DNAI4: variants seen among roughly 807,000 people sequenced by gnomAD.
The protein encoded by DNAI4 is dynein axonemal intermediate chain 4, also known as WD repeat domain 78.
DNAI4 carries 85 observed loss-of-function variants against 105.8 expected under a neutral mutation model. The ratio of observed to expected loss-of-function variants is 0.80; its 90% CI spans 0.67 to 0.96. The LOEUF is 0.96. Ranked by LOEUF, DNAI4 falls within the 40% of genes least tolerant of loss-of-function variation. The pLI, the probability that DNAI4 is intolerant of heterozygous loss-of-function variation, is 0.00. For missense variants in DNAI4, 1,014 were observed against 1,005.6 expected, an observed-to-expected ratio of 1.01 and a Z score of -0.11; for synonymous variants, 352 against 331.5, an observed-to-expected ratio of 1.06 and a Z score of -0.67.
intron 7 of DNAI4, among the ~76,000 whole-genome samples, chr1:66,855,709 T>C (rs1380105215): frequency 2.0e-5 from 3 of 152,220 alleles, no homozygotes; most frequent in African/African-American, 4.8e-5. Context: ...CTACAAAATA[T>C]GTAAAGCCCA....
At chr1:66,892,631 C>G (rs931292581) in intron 3 of DNAI4, among the ~76,000 whole-genome samples, 1 of 151,974 alleles carries the variant, frequency 6.6e-6, no homozygotes, top group African/African-American at 2.4e-5. Context: ...ATAATCAAAA[C>G]TGGGTGGCTC....
At chr1:66,841,356 T>C (rs1646144286) in intron 8 of DNAI4, among the ~76,000 whole-genome samples, 1 of 152,056 alleles carries the variant, frequency 6.6e-6, no homozygotes, top group Non-Finnish European at 1.5e-5. Flanking sequence ...CAATAGACAT[T>C]GCTGGAAAAA....
At chr1:66,842,424 TCTGTTGTC>T (rs924092450) in intron 8 of DNAI4, among the ~76,000 whole-genome samples, 1 of 152,196 alleles carries the variant, frequency 6.6e-6, no homozygotes, top group African/African-American at 2.4e-5. Flanking sequence ...AGAGTCTCAC[TCTGTTGTC>T]CTGGTTGGAG....
intron 2 of DNAI4, among the ~76,000 whole-genome samples, chr1:66,897,397 A>G (rs996390675): frequency 1.3e-5 from 2 of 152,224 alleles, no homozygotes; most frequent in African/African-American, 4.8e-5. Context: ...AGATTTGGAA[A>G]AGTCTCAGCC....
intron 13 of DNAI4, 144 bp downstream of exon 13, chr1:66,833,441 C>A: frequency 9.6e-6 from 9 of 940,190 alleles, no homozygotes; most frequent in Non-Finnish European, 1.4e-5. Context: ...CTAGCCCAGG[C>A]AATCATTTAT....
chr1:66,835,672 T>C lies in DNAI4; in HGVS notation c.1687A>G (p.Ile563Val), dbSNP rs1645969732. The change falls in exon 11 of 17, where the codon ATT (isoleucine) becomes GTT (valine). Residue 563 changes from isoleucine to valine, a missense_variant. Coordinates refer to ENST00000371026, the MANE Select transcript of DNAI4 (RefSeq NM_024763.5). The stretch of plus-strand genomic sequence containing the variant: ...TTACTGTTGCTCCGTACATTGTAAA[T>C]TGCAATTGTGCCATTGTGATAGCCA... ...AVGYHNGTIAIYNVRSNSNVP... is the reference protein window; with the variant it reads ...AVGYHNGTIAVYNVRSNSNVP... 1 of 1,614,168 alleles carries C rather than the reference T, an allele frequency of 6.2e-7. No individual in the cohort carries two copies. Among genetic ancestry groups the C allele is most frequent in the Non-Finnish European group, 8.5e-7 (1 of 1,180,016 alleles).
chr1:66,855,772 C>A (rs1646487431), intron 7 of DNAI4, among the ~76,000 whole-genome samples: 1 of 152,210 alleles, frequency 6.6e-6, no homozygotes, highest in African/African-American at 2.4e-5. Flanking sequence ...CTTAACACTC[C>A]TCTATATCAG....
At chr1:66,923,550 G>C (rs1034645661) in intron 1 of DNAI4, among the ~76,000 whole-genome samples, 1 of 152,186 alleles carries the variant, frequency 6.6e-6, no homozygotes, top group African/African-American at 2.4e-5. Flanking sequence ...CAAAGATCGA[G>C]AAGCGATAAA....
chr1:66,833,030 G>T (rs1645900689), intron 13 of DNAI4, among the ~76,000 whole-genome samples: 1 of 152,046 alleles, frequency 6.6e-6, no homozygotes, highest in East Asian at 1.9e-4. Context: ...GGGGGGCAGG[G>T]AGAGGCACTT....
intron 2 of DNAI4, among the ~76,000 whole-genome samples, chr1:66,898,049 C>G (rs1648477191): frequency 6.6e-6 from 1 of 152,180 alleles, no homozygotes. Context: ...GACCCAATCC[C>G]TGCACCAGTG....
chr1:66,881,442 G>T (rs1569739681), intron 4 of DNAI4, among the ~76,000 whole-genome samples: 1 of 151,340 alleles, frequency 6.6e-6, no homozygotes, highest in South Asian at 2.1e-4. Flanking sequence ...TCTTGCATCA[G>T]TGTGACCCGG....
chr1:66,879,853 G>A (rs1647031087), intron 4 of DNAI4, among the ~76,000 whole-genome samples: 1 of 151,928 alleles, frequency 6.6e-6, no homozygotes, highest in Non-Finnish European at 1.5e-5. Flanking sequence ...CCTATGTTTT[G>A]TTCATTTTTC....
chr1:66,861,808 T>C (rs540724726), intron 7 of DNAI4, among the ~76,000 whole-genome samples: 79 of 152,194 alleles, frequency 5.2e-4, no homozygotes, highest in Non-Finnish European at 9.0e-4. Context: ...TTTTAAGTTG[T>C]CATAGAGCTA....
chr1:66,903,634 C>T (rs1649006936), intron 2 of DNAI4, among the ~76,000 whole-genome samples: 1 of 152,172 alleles, frequency 6.6e-6, no homozygotes, highest in Non-Finnish European at 1.5e-5. Context: ...GCTGGGATTA[C>T]AGGCACCTGC....
At chr1:66,837,062 T>C (rs1646040288) in intron 10 of DNAI4, among the ~76,000 whole-genome samples, 1 of 152,128 alleles carries the variant, frequency 6.6e-6, no homozygotes, top group Non-Finnish European at 1.5e-5. Flanking sequence ...AACAACCAGG[T>C]ATTTAAAAAA....
In DNAI4 at chr1:66,813,099, T is replaced by C. The variant is rs1213948730; in HGVS notation, c.*1031A>G. The C allele has an allele frequency of 6.6e-6, 1 of 152,364 alleles. No homozygotes were observed. The highest frequency in any genetic ancestry group is 1.9e-4 in the East Asian group (1 of 5,338). 9.4% of individuals were successfully genotyped at this position (152,364 alleles called of 1,614,324 possible). On this transcript the variant is annotated 3_prime_UTR_variant, in exon 17 of 17. Coordinates refer to ENST00000371026, the MANE Select transcript of DNAI4 (RefSeq NM_024763.5). ...CAAATGGAGTTTATGAAGCAATGGATACTTGTAAAAGGTAGTTCCCACTGT... is the reference window on the plus strand; with the variant it reads ...CAAATGGAGTTTATGAAGCAATGGACACTTGTAAAAGGTAGTTCCCACTGT...
At chr1:66,893,204 G>A in intron 3 of DNAI4, 25 bp downstream of exon 3, 3 of 1,302,354 alleles carry the variant, frequency 2.3e-6, no homozygotes, top group Non-Finnish European at 3.0e-6. Flanking sequence ...ATAGAAAAAA[G>A]GAACTATATA....
chr1:66,851,416 G>C (rs988631439), intron 7 of DNAI4, among the ~76,000 whole-genome samples: 1 of 151,454 alleles, frequency 6.6e-6, no homozygotes, highest in African/African-American at 2.4e-5. Context: ...AATCAGCAAG[G>C]GTATATATGA....
At position 66,834,131 on chromosome 1, in the gene DNAI4, T is replaced by TGTTTTGA; in HGVS notation, c.1750_1751insTCAAAAC (p.His584LeufsTer50). 1 of 1,604,218 alleles carries TGTTTTGA rather than the reference T, an allele frequency of 6.2e-7. No homozygotes were observed. Among genetic ancestry groups the TGTTTTGA allele is most frequent in the Non-Finnish European group, 8.5e-7 (1 of 1,177,246 alleles). ...CTGTAGTTGCCATACAGGTCCCAAATGTTTTTGAGGTGATTCACTAAAACA... is the reference window on the plus strand; with the variant it reads ...CTGTAGTTGCCATACAGGTCCCAAATGTTTTGAGTTTTTGAGGTGATTCACTAAAACA... On this transcript the variant is annotated frameshift_variant, in exon 12 of 17. Transcript: ENST00000371026. LOFTEE classifies it high-confidence loss of function.
Sources: gnomAD v4.1 joint callset for allele counts (sites outside exome capture counted in the v4.1 genomes callset) on GRCh38, gnomAD v4.1.1 for gene constraint, MANE v1.5 for transcripts, NCBI Gene and HGNC (gene_info 2026-07-23, HGNC 2026-07-21) for gene names.